The following ZNF804B variants were observed in gnomAD, a reference collection of about 807,000 sequenced individuals.
The protein encoded by ZNF804B is zinc finger 804B.
ZNF804B carries 80 observed loss-of-function variants against 101.4 expected under a neutral mutation model. The ratio of observed to expected loss-of-function variants is 0.79; its 90% CI spans 0.66 to 0.95. The LOEUF is 0.95. Among genes scored for constraint, ZNF804B ranks in the 40% least tolerant of loss-of-function variants. The pLI, the probability that ZNF804B is intolerant of heterozygous loss-of-function variation, is 0.00. For missense variants in ZNF804B, 1,673 were observed against 1,561.9 expected (o/e 1.07, Z -1.20); for synonymous variants, 622 against 558.8 (o/e 1.11, Z -1.59).
At chr7:88,972,867 A>AT (rs1208954613) in intron 1 of ZNF804B, among the ~76,000 whole-genome samples, 8 of 151,482 alleles carry the variant, frequency 5.3e-5, no homozygotes, top group Non-Finnish European at 1.2e-4. Flanking sequence ...ACAGGAGTAC[A>AT]TATAGCGTTA....
At chr7:88,937,588 G>T (rs1792991760) in intron 1 of ZNF804B, among the ~76,000 whole-genome samples, 1 of 152,006 alleles carries the variant, frequency 6.6e-6, no homozygotes, top group African/African-American at 2.4e-5. Flanking sequence ...TAAAAATAGA[G>T]TCGGGGTAAC....
At chr7:89,123,530 TGAG>T (rs1790435272) in intron 1 of ZNF804B, among the ~76,000 whole-genome samples, 1 of 152,138 alleles carries the variant, frequency 6.6e-6, no homozygotes, top group African/African-American at 2.4e-5. Flanking sequence ...TGCTAGAAAC[TGAG>T]GATAGCAAGA....
intron 1 of ZNF804B, among the ~76,000 whole-genome samples, chr7:89,172,243 T>A (rs1456635051): frequency 1.3e-5 from 2 of 152,142 alleles, no homozygotes; most frequent in African/African-American, 4.8e-5. Flanking sequence ...AAAATATGAC[T>A]TTTTGACAAC....
chr7:89,201,459 T>C (rs1788635519), intron 1 of ZNF804B, among the ~76,000 whole-genome samples: 1 of 152,002 alleles, frequency 6.6e-6, no homozygotes, highest in Non-Finnish European at 1.5e-5. Context: ...GATGAAATAT[T>C]ACCTATTAGA....
In ZNF804B at chr7:89,137,319, G is replaced by C. The variant is rs149971525; in HGVS notation, c.109-80836G>C. Among the ~76,000 whole-genome samples, 1,331 of 151,982 alleles carry C rather than the reference G, an allele frequency of 8.8e-3. 21 individuals carry two copies. The highest frequency in any genetic ancestry group is 0.03 in the African/African-American group (1,246 of 41,396). ...TTCAATATATTTTTGTTATAAAAAAGTATTACATATCTCTGAAATTTGGAA... is the reference window on the plus strand; with the variant it reads ...TTCAATATATTTTTGTTATAAAAAACTATTACATATCTCTGAAATTTGGAA... On this transcript the variant is annotated intron_variant, in intron 1 of 3. Transcript: ENST00000333190.
intron 2 of ZNF804B, among the ~76,000 whole-genome samples, chr7:89,248,293 A>G (rs542024507): frequency 6.6e-6 from 1 of 152,230 alleles, no homozygotes; most frequent in Admixed American, 6.5e-5. Flanking sequence ...AACAACACCA[A>G]GGCATGTAGT....
At chr7:89,284,971 G>T (rs1188023924) in intron 2 of ZNF804B, among the ~76,000 whole-genome samples, 1 of 152,068 alleles carries the variant, frequency 6.6e-6, no homozygotes, top group Non-Finnish European at 1.5e-5. Context: ...GGCGGAGGCA[G>T]GAGGATTACT....
chr7:89,058,802 T>C (rs1363961195), intron 1 of ZNF804B, among the ~76,000 whole-genome samples: 1 of 152,136 alleles, frequency 6.6e-6, no homozygotes, highest in East Asian at 1.9e-4. Flanking sequence ...CAGGTGATCC[T>C]CCCACCTCAG....
chr7:89,335,654 G>T lies in ZNF804B; in HGVS notation c.2672G>T (p.Cys891Phe). ...CTGGGAAAAGTCAGGCCCATGAAGTGTAACTCCGGGAATATCAGCTGCCTT... is the reference window on the plus strand; with the variant it reads ...CTGGGAAAAGTCAGGCCCATGAAGTTTAACTCCGGGAATATCAGCTGCCTT... ...CDLGKVRPMK[C>F]NSGNISCLLK... The change falls in exon 4 of 4, where the codon TGT (cysteine) becomes TTT (phenylalanine). Residue 891 changes from cysteine (C) to phenylalanine (F), a missense_variant. Transcript: ENST00000333190. 6.2e-7 allele frequency: 1 copy of T among 1,614,020 alleles called. No individual in the cohort carries two copies. Among genetic ancestry groups the T allele is most frequent in the African/African-American group, 1.3e-5 (1 of 75,028 alleles).
At chr7:88,795,772 G>C (rs575063949) in intron 1 of ZNF804B, 2 of 152,216 alleles carry the variant, frequency 1.3e-5, no homozygotes, top group African/African-American at 4.8e-5. Context: ...TCGGGCATAC[G>C]TGAGTCAGAA....
intron 1 of ZNF804B, among the ~76,000 whole-genome samples, chr7:88,951,476 G>A (rs552609155): frequency 4.6e-5 from 7 of 151,772 alleles, no homozygotes; most frequent in East Asian, 3.9e-4. Context: ...GCACGCGCAC[G>A]CACATATATA....
chr7:89,216,277 C>T (rs1373173239), intron 1 of ZNF804B, among the ~76,000 whole-genome samples: 1 of 152,244 alleles, frequency 6.6e-6, no homozygotes, highest in Non-Finnish European at 1.5e-5. Flanking sequence ...CATTGCACTC[C>T]AGCCTGCACG....
At chr7:88,874,312 A>G (rs1301445040) in intron 1 of ZNF804B, among the ~76,000 whole-genome samples, 2 of 151,864 alleles carry the variant, frequency 1.3e-5, no homozygotes, top group East Asian at 3.9e-4. Context: ...ATTTTTGTAC[A>G]TTGATTTTGT....
intron 1 of ZNF804B, among the ~76,000 whole-genome samples, chr7:89,146,646 G>A (rs964815385): frequency 6.6e-6 from 1 of 151,962 alleles, no homozygotes; most frequent in African/African-American, 2.4e-5. Flanking sequence ...CAGAATAACT[G>A]TAAATGAGAT....
At chr7:88,831,990 C>T in intron 1 of ZNF804B, among the ~76,000 whole-genome samples, 1 of 151,716 alleles carries the variant, frequency 6.6e-6, no homozygotes, top group East Asian at 1.9e-4. Flanking sequence ...ATTATGTATA[C>T]ACCTGAAGGA....
intron 1 of ZNF804B, among the ~76,000 whole-genome samples, chr7:89,097,929 C>T (rs1789992662): frequency 6.6e-6 from 1 of 152,050 alleles, no homozygotes; most frequent in Non-Finnish European, 1.5e-5. Flanking sequence ...TAAGGTTGTG[C>T]TTATTATGTC....
chr7:89,157,523 A>G (rs1790995681), intron 1 of ZNF804B, among the ~76,000 whole-genome samples: 1 of 151,920 alleles, frequency 6.6e-6, no homozygotes, highest in African/African-American at 2.4e-5. Flanking sequence ...ATATTCTTTG[A>G]TTTTATAAAA....
intron 1 of ZNF804B, among the ~76,000 whole-genome samples, chr7:89,154,899 T>C (rs1017298682): frequency 2.0e-5 from 3 of 152,030 alleles, no homozygotes; most frequent in African/African-American, 7.2e-5. Flanking sequence ...TGTAATTGTG[T>C]TACAGGATTT....
At chr7:89,118,492 G>A (rs1185789797) in intron 1 of ZNF804B, among the ~76,000 whole-genome samples, 1 of 151,998 alleles carries the variant, frequency 6.6e-6, no homozygotes, top group Non-Finnish European at 1.5e-5. Context: ...TCAACAGACA[G>A]TAAAACAGTG....
Sources: gnomAD v4.1 joint callset for allele counts (sites outside exome capture counted in the v4.1 genomes callset) on GRCh38, gnomAD v4.1.1 for gene constraint, MANE v1.5 for transcripts, NCBI Gene and HGNC (gene_info 2026-07-23, HGNC 2026-07-21) for gene names.